The following KLHL29 variants were observed in gnomAD, a reference collection of about 807,000 sequenced individuals.
The protein encoded by KLHL29 is kelch like family member 29.
Under a neutral mutation model 80.4 loss-of-function variants are expected in KLHL29, and 21 were observed. The observed-to-expected ratio is 0.26, with a 90% CI of 0.19 to 0.38. The LOEUF (loss-of-function observed/expected upper bound fraction) is 0.38, where lower values mean the gene tolerates loss of function less well. KLHL29 is among the 10% of genes least tolerant of loss of function. The pLI is 1.00. For missense variants in KLHL29, 867 were observed against 1,223.9 expected, an observed-to-expected ratio of 0.71 and a Z score of 4.35; for synonymous variants, 511 against 526.8, an observed-to-expected ratio of 0.97 and a Z score of 0.41.
intron 1 of KLHL29, among the ~76,000 whole-genome samples, chr2:23,450,529 T>G (rs1243399880): frequency 6.6e-6 from 1 of 152,042 alleles, no homozygotes; most frequent in Non-Finnish European, 1.5e-5. Flanking sequence ...CCCCAAGACT[T>G]CAGCCCTAGA....
chr2:23,608,075 A>G (rs909133131), intron 3 of KLHL29, among the ~76,000 whole-genome samples: 2 of 152,354 alleles, frequency 1.3e-5, no homozygotes, highest in Middle Eastern at 3.4e-3. Flanking sequence ...TCTCCAGCCT[A>G]CAGGTAGTCA....
intron 3 of KLHL29, among the ~76,000 whole-genome samples, chr2:23,620,767 G>A (rs1405866826): frequency 1.3e-5 from 2 of 152,242 alleles, no homozygotes; most frequent in Non-Finnish European, 2.9e-5. Flanking sequence ...AGAGGTGGGA[G>A]AGGGAGGCAG....
intron 6 of KLHL29, chr2:23,689,742 G>A (rs1274036758): frequency 6.6e-6 from 1 of 152,440 alleles, no homozygotes; most frequent in Non-Finnish European, 1.5e-5. Flanking sequence ...TGAAGTCCCA[G>A]GCAGCAAAGA....
chr2:23,437,802 T>A (rs971796121), intron 1 of KLHL29, among the ~76,000 whole-genome samples: 10 of 152,254 alleles, frequency 6.6e-5, no homozygotes, highest in Middle Eastern at 3.2e-3. Context: ...GGCTCTTTTT[T>A]GGTTCCACAT....
Position 23,461,634 on chromosome 2 carries a change from T to TGAC in KLHL29, c.-153-13925_-153-13923dup, listed in dbSNP as rs567352813. 9.3e-3 allele frequency among the ~76,000 whole-genome samples: 1,412 copies of TGAC among 151,894 alleles called. 21 individuals are homozygous for TGAC. Among genetic ancestry groups the TGAC allele is most frequent in the African/African-American group, 0.033 (1,357 of 41,360 alleles). On this transcript the variant is annotated intron_variant, in intron 1 of 13. Coordinates refer to ENST00000486442, the MANE Select transcript of KLHL29 (RefSeq NM_052920.2). ...TTTAAATGGACCCGGTATCCATACG[T>TGAC]GACCCCTCTACCTTGTATGACTCGC...
intron 6 of KLHL29, among the ~76,000 whole-genome samples, chr2:23,686,820 G>A (rs1671281739): frequency 1.3e-5 from 2 of 152,154 alleles, no homozygotes; most frequent in South Asian, 4.2e-4. Context: ...ATACAGTAAG[G>A]TCACACAGGA....
chr2:23,706,422 A>G lies in KLHL29; in HGVS notation c.2445-59A>G, dbSNP rs1052257688. 3.0e-6 allele frequency: 4 copies of G among 1,333,698 alleles called. No homozygotes were observed. In the South Asian group the frequency reaches 5.2e-5, roughly 17 times the overall value. 82.6% of individuals were successfully genotyped at this position (1,333,698 alleles called of 1,614,324 possible). ...CAACAGGACACGACGTTGAGAACCT[A>G]TCTCCAGGGCCAAGTTGGAAGTGAA... is the stretch of plus-strand genomic sequence containing the variant. On this transcript the variant is annotated intron_variant, in intron 13 of 13. Transcript: ENST00000486442.
intron 1 of KLHL29, among the ~76,000 whole-genome samples, chr2:23,446,518 A>G (rs1023914080): frequency 9.2e-5 from 14 of 152,196 alleles, no homozygotes; most frequent in African/African-American, 3.4e-4. Context: ...ATTCCTGTGG[A>G]TACTCTAAAA....
At chr2:23,526,184 G>A (rs141069213) in intron 2 of KLHL29, among the ~76,000 whole-genome samples, 161 of 152,356 alleles carry the variant, frequency 1.1e-3, no homozygotes, top group Non-Finnish European at 1.9e-3. Context: ...AGAGGAAGCT[G>A]CATGGAGTGT....
intron 6 of KLHL29, among the ~76,000 whole-genome samples, chr2:23,687,749 A>C (rs1183630564): frequency 1.3e-5 from 2 of 152,186 alleles, no homozygotes; most frequent in African/African-American, 4.8e-5. Context: ...AGCAAGGTCG[A>C]AAGGCGGGAG....
At chr2:23,658,684 T>G (rs1670315085) in intron 5 of KLHL29, among the ~76,000 whole-genome samples, 1 of 152,162 alleles carries the variant, frequency 6.6e-6, no homozygotes, top group Non-Finnish European at 1.5e-5. Flanking sequence ...TTGTTGAGTT[T>G]GTGTCCGCCC....
chr2:23,587,133 G>T lies in KLHL29; in HGVS notation c.285+24652G>T, dbSNP rs116886299. Among the ~76,000 whole-genome samples the T allele has an allele frequency of 8.9e-4, 136 of 152,150 alleles. 3 individuals carry two copies. The East Asian group carries it at 0.022, about 25-fold the overall frequency. ...CGCCCTGTTAAATTGCAGCAATTTT[G>T]CACTGTGGTTCCCTCTCAGCGTGTC... On this transcript the variant is annotated intron_variant, in intron 3 of 13. Coordinates refer to ENST00000486442, the MANE Select transcript of KLHL29 (RefSeq NM_052920.2).
intron 1 of KLHL29, among the ~76,000 whole-genome samples, chr2:23,414,209 A>G (rs886342783): frequency 1.3e-5 from 2 of 152,214 alleles, no homozygotes; most frequent in East Asian, 3.9e-4. Context: ...TCACTGAGCG[A>G]GAGGAGACAA....
At chr2:23,417,965 C>T (rs1662640476) in intron 1 of KLHL29, among the ~76,000 whole-genome samples, 1 of 152,158 alleles carries the variant, frequency 6.6e-6, no homozygotes, top group Admixed American at 6.5e-5. Flanking sequence ...CTGTCCATCG[C>T]CCTGGAGTAG....
intron 1 of KLHL29, among the ~76,000 whole-genome samples, chr2:23,438,754 A>T (rs1192826838): frequency 6.6e-6 from 1 of 151,938 alleles, no homozygotes; most frequent in Non-Finnish European, 1.5e-5. Flanking sequence ...TTCATCAAGG[A>T]TATTGGTCTA....
intron 5 of KLHL29, among the ~76,000 whole-genome samples, chr2:23,658,653 C>T (rs1572473009): frequency 1.3e-5 from 2 of 152,204 alleles, no homozygotes; most frequent in South Asian, 2.1e-4. Context: ...CAGGGGCCGC[C>T]GCTGCCAAGA....
intron 1 of KLHL29, among the ~76,000 whole-genome samples, chr2:23,456,758 C>T (rs1664064541): frequency 6.6e-6 from 1 of 152,110 alleles, no homozygotes; most frequent in Non-Finnish European, 1.5e-5. Context: ...GAGTCTTCCC[C>T]CACCAAAAAA....
chr2:23,403,670 A>T (rs879808798), intron 1 of KLHL29, among the ~76,000 whole-genome samples: 3 of 152,060 alleles, frequency 2.0e-5, no homozygotes, highest in Non-Finnish European at 2.9e-5. Flanking sequence ...TGAAAACAAT[A>T]ATACATCCAA....
intron 1 of KLHL29, among the ~76,000 whole-genome samples, chr2:23,438,244 T>A (rs1668197005): frequency 6.6e-6 from 1 of 152,018 alleles, no homozygotes; most frequent in Non-Finnish European, 1.5e-5. Context: ...TATACAATCA[T>A]GGCGTCTGCA....
Sources: allele counts gnomAD v4.1 joint callset (sites outside exome capture counted in the v4.1 genomes callset), GRCh38; gene constraint gnomAD v4.1.1; transcripts MANE v1.5; gene names NCBI Gene and HGNC (gene_info 2026-07-23, HGNC 2026-07-21).